Variants in TMTC2 observed in about 807,000 individuals in gnomAD.
TMTC2 encodes transmembrane O-mannosyltransferase targeting cadherins 2.
TMTC2 carries 43 observed loss-of-function variants against 82.4 expected under a neutral mutation model. The observed-to-expected ratio is 0.52, with a 90% confidence interval of 0.41 to 0.67. The LOEUF is 0.67. Among genes scored for constraint, TMTC2 ranks in the 30% least tolerant of loss-of-function variants. The pLI is 0.00. For synonymous variants in TMTC2, 408 were observed against 381.9 expected (o/e 1.07, Z -0.80); for missense variants, 919 against 1,012.4 (o/e 0.91, Z 1.25).
intron 4 of TMTC2, among the ~76,000 whole-genome samples, chr12:82,931,885 G>T (rs7316631): frequency 0.78 from 117,778 of 151,920 alleles, 47,446 homozygotes; most frequent in East Asian, 1. Context: ...CCGTCTCTTG[G>T]TTGAAACACT....
At chr12:82,884,547 A>G (rs187608897) in intron 2 of TMTC2, among the ~76,000 whole-genome samples, 15 of 152,304 alleles carry the variant, frequency 9.8e-5, no homozygotes, top group Admixed American at 1.3e-4. Flanking sequence ...TGATCTATCA[A>G]AGCTCATCTA....
chr12:82,699,122 G>T (rs1469320541), intron 1 of TMTC2, among the ~76,000 whole-genome samples: 1 of 152,146 alleles, frequency 6.6e-6, no homozygotes. Flanking sequence ...CTACTTTGAT[G>T]CTGTTGCTGA....
At chr12:82,964,913 C>T in intron 4 of TMTC2, 111 bp from the exon 5 acceptor site, 1 of 582,238 alleles carries the variant, frequency 1.7e-6, no homozygotes, top group Non-Finnish European at 2.9e-6. Context: ...ACCAGGTTAG[C>T]ATTTTTACTG....
chr12:82,694,576 A>G lies in TMTC2; in HGVS notation c.83+6907A>G, dbSNP rs189022555. 6.4e-4 allele frequency among the ~76,000 whole-genome samples: 97 copies of G among 152,298 alleles called. 1 individual carries two copies. The highest frequency in any genetic ancestry group is 4.3e-4 in the Non-Finnish European group (29 of 68,024). ...GATGTTGCAGTGAGACATGGTATGA[A>G]GTGTGGCACAGCATGTAGTTATAGT... On this transcript the variant is annotated intron_variant, in intron 1 of 11. Transcript: ENST00000321196.
At chr12:82,998,674 G>A (rs924918401) in intron 8 of TMTC2, among the ~76,000 whole-genome samples, 11 of 152,212 alleles carry the variant, frequency 7.2e-5, no homozygotes, top group Admixed American at 1.3e-4. Context: ...AGAGGAAGCA[G>A]TTATGACTTT....
intron 1 of TMTC2, among the ~76,000 whole-genome samples, chr12:82,807,002 T>G (rs552380137): frequency 1.2e-4 from 18 of 152,224 alleles, no homozygotes; most frequent in African/African-American, 4.3e-4. Context: ...CCTGTTGAGT[T>G]CAAAACGAGC....
chr12:82,709,264 C>G (rs547430715), intron 1 of TMTC2, among the ~76,000 whole-genome samples: 8 of 152,154 alleles, frequency 5.3e-5, no homozygotes, highest in Non-Finnish European at 1.0e-4. Flanking sequence ...ATATCTGATT[C>G]TTATGTTTTT....
Position 82,692,763 on chromosome 12 carries a change from T to G in TMTC2, c.83+5094T>G, listed in dbSNP as rs542657198. On this transcript the variant is annotated intron_variant, in intron 1 of 11. Coordinates refer to ENST00000321196, the MANE Select transcript of TMTC2 (RefSeq NM_152588.3). ...TCCAAGGAAAGGAACGGTGGGTTAT[T>G]GAATGTAAAGACCTCTCCTCTATAA... Among the ~76,000 whole-genome samples, 4 of 152,298 alleles carry G rather than the reference T, an allele frequency of 2.6e-5. 1 individual carries two copies. Among genetic ancestry groups the G allele is most frequent in the Admixed American group, 1.3e-4 (2 of 15,302 alleles).
chr12:82,772,415 C>A (rs150106823), intron 1 of TMTC2, among the ~76,000 whole-genome samples: 53 of 152,254 alleles, frequency 3.5e-4, no homozygotes, highest in Admixed American at 1.2e-3. Context: ...TAGCCAGTAG[C>A]CACATGTGAC....
intron 11 of TMTC2, among the ~76,000 whole-genome samples, chr12:83,074,168 C>T (rs765675343): frequency 2.0e-4 from 31 of 152,062 alleles, no homozygotes; most frequent in Non-Finnish European, 3.8e-4. Flanking sequence ...ACGTGGTGTT[C>T]GCTTGATGTA....
intron 1 of TMTC2, among the ~76,000 whole-genome samples, chr12:82,799,439 A>C (rs982053341): frequency 6.6e-6 from 1 of 152,158 alleles, no homozygotes; most frequent in Non-Finnish European, 1.5e-5. Flanking sequence ...TAAGTCACAT[A>C]TCTCTGAGAT....
At chr12:83,098,348 C>T (rs1884101274) in intron 11 of TMTC2, among the ~76,000 whole-genome samples, 1 of 152,198 alleles carries the variant, frequency 6.6e-6, no homozygotes, top group African/African-American at 2.4e-5. Flanking sequence ...TCATCAAATT[C>T]TATCAGATAA....
intron 1 of TMTC2, among the ~76,000 whole-genome samples, chr12:82,696,806 T>C (rs970773628): frequency 6.6e-6 from 1 of 152,104 alleles, no homozygotes; most frequent in Non-Finnish European, 1.5e-5. Flanking sequence ...GGCCCTCTGA[T>C]AACTTGCCTC....
At chr12:82,949,349 A>G (rs2137276539) in intron 4 of TMTC2, among the ~76,000 whole-genome samples, 1 of 152,346 alleles carries the variant, frequency 6.6e-6, no homozygotes, top group Admixed American at 6.5e-5. Context: ...TTAAATAAAA[A>G]TTCTCCCAGA....
chr12:83,004,596 G>C (rs1002813394), intron 8 of TMTC2, among the ~76,000 whole-genome samples: 1 of 151,922 alleles, frequency 6.6e-6, no homozygotes, highest in African/African-American at 2.4e-5. Flanking sequence ...GGGTTTGACT[G>C]TGAGATATGT....
At chr12:82,808,446 T>A (rs1333974272) in intron 1 of TMTC2, among the ~76,000 whole-genome samples, 13 of 152,108 alleles carry the variant, frequency 8.5e-5, no homozygotes, top group African/African-American at 3.1e-4. Context: ...CTTTTATGTA[T>A]ATCATCTTAT....
At chr12:82,886,565 C>A (rs1372881414) in intron 2 of TMTC2, among the ~76,000 whole-genome samples, 5 of 152,102 alleles carry the variant, frequency 3.3e-5, no homozygotes, top group Non-Finnish European at 5.9e-5. Context: ...CTTTTTTATG[C>A]CCCTTAATCT....
intron 2 of TMTC2, among the ~76,000 whole-genome samples, chr12:82,882,754 T>A (rs1448948112): frequency 6.6e-6 from 1 of 152,092 alleles, no homozygotes; most frequent in Non-Finnish European, 1.5e-5. Flanking sequence ...GTGAAAACTT[T>A]AGTTTAAAAA....
intron 1 of TMTC2, among the ~76,000 whole-genome samples, chr12:82,743,354 T>C (rs1337024576): frequency 6.6e-6 from 1 of 151,746 alleles, no homozygotes; most frequent in Non-Finnish European, 1.5e-5. Context: ...GGCAGGAGAA[T>C]TGCTTAAACT....
Sources: gnomAD v4.1 joint callset for allele counts (sites outside exome capture counted in the v4.1 genomes callset) on GRCh38, gnomAD v4.1.1 for gene constraint, MANE v1.5 for transcripts, NCBI Gene and HGNC (gene_info 2026-07-23, HGNC 2026-07-21) for gene names.